Variants in RUBCNL observed in about 807,000 individuals in gnomAD.
The protein encoded by RUBCNL is protein associated with UVRAG as autophagy enhancer.
RUBCNL carries 62 observed loss-of-function variants against 69.5 expected under a neutral mutation model. That is an observed-to-expected ratio of 0.89 (90% CI 0.73 to 1.10). The LOEUF is 1.10. Among genes scored for constraint, RUBCNL ranks in the 50% least tolerant of loss-of-function variants. The pLI is 0.00. For missense variants in RUBCNL, 768 were observed against 798.1 expected (o/e 0.96, Z 0.45); for synonymous variants, 291 against 303.6 (o/e 0.96, Z 0.43).
chr13:46,360,823 A>AT (rs2138744315), intron 8 of RUBCNL, among the ~76,000 whole-genome samples: 1 of 152,364 alleles, frequency 6.6e-6, no homozygotes, highest in African/African-American at 2.4e-5. Context: ...CAGCCTGGGC[A>AT]TGACTCCTGC....
intron 2 of RUBCNL, among the ~76,000 whole-genome samples, chr13:46,375,654 G>A (rs1227294627): frequency 3.9e-5 from 6 of 152,154 alleles, no homozygotes; most frequent in African/African-American, 1.2e-4. Flanking sequence ...ACATGAAATT[G>A]TTCTCACCCA....
In RUBCNL at chr13:46,369,264, G is replaced by C. The variant is rs536308082; in HGVS notation, c.536-449C>G. Among the ~76,000 whole-genome samples the C allele has an allele frequency of 2.6e-5, 4 of 152,302 alleles. No homozygotes were observed. The South Asian group carries it at 8.3e-4, about 32-fold the overall frequency. On this transcript the variant is annotated intron_variant, in intron 3 of 14. Transcript: ENST00000429979. ...ATATCTCGCTCTGTCACCCAGGCTAGAGTGCAGCGGCGTGATCACACTTTA... is the reference window on the plus strand; with the variant it reads ...ATATCTCGCTCTGTCACCCAGGCTACAGTGCAGCGGCGTGATCACACTTTA...
chr13:46,377,753 C>T, intron 2 of RUBCNL, 137 bp downstream of exon 2: 1 of 522,790 alleles, frequency 1.9e-6, no homozygotes, highest in South Asian at 3.1e-5. Flanking sequence ...CAAAAATAAC[C>T]AGCAGGTGCT....
At position 46,352,936 on chromosome 13, in the gene RUBCNL, G is replaced by A. The variant is rs557064929; in HGVS notation, c.1331-2585C>T. On this transcript the variant is annotated intron_variant, in intron 10 of 14. Transcript: ENST00000429979. ...ACATTTACTATGTCATTCTGTGCTC[G>A]AAAGTCTGTGAGAGAGGGACAGTTA... Among the ~76,000 whole-genome samples, 6 of 152,360 alleles carry A rather than the reference G, an allele frequency of 3.9e-5. No homozygotes were observed. The East Asian group carries it at 7.7e-4, about 20-fold the overall frequency.
chr13:46,357,883 G>A lies in RUBCNL; in HGVS notation c.1266-1387C>T, dbSNP rs371531444. ...GACCTCAGGTGATCCCGCCCACCTC[G>A]GCCTCCCAAAGTGCTGAGATTACAG... On this transcript the variant is annotated intron_variant, in intron 9 of 14. Transcript: ENST00000429979. Among the ~76,000 whole-genome samples, 342 of 152,158 alleles carry A rather than the reference G, an allele frequency of 2.2e-3. 4 individuals are homozygous for A. The highest frequency in any genetic ancestry group is 0.012 in the South Asian group (56 of 4,814).
intron 12 of RUBCNL, among the ~76,000 whole-genome samples, chr13:46,347,950 G>A (rs1215989593): frequency 1.3e-5 from 2 of 151,864 alleles, no homozygotes; most frequent in Non-Finnish European, 2.9e-5. Context: ...CCGAGATCGC[G>A]CCACTGCACT....
At chr13:46,362,470 TAGGTTTCACACTGCCTC>T (rs1193081575) in intron 7 of RUBCNL, 51 bp downstream of exon 7, 3 of 992,134 alleles carry the variant, frequency 3.0e-6, no homozygotes, top group Non-Finnish European at 3.0e-6. Flanking sequence ...GTCAGAGGCC[TAGGTTTCACACTGCCTC>T]AGAGGTGACA....
intron 5 of RUBCNL, among the ~76,000 whole-genome samples, chr13:46,365,077 C>T (rs1220400506): frequency 1.3e-5 from 2 of 151,790 alleles, no homozygotes; most frequent in African/African-American, 2.4e-5. Flanking sequence ...CCGAGGCAAG[C>T]GGATCACCTG....
At chr13:46,344,363 T>C (rs1468421328) in intron 14 of RUBCNL, among the ~76,000 whole-genome samples, 1 of 152,210 alleles carries the variant, frequency 6.6e-6, no homozygotes, top group Non-Finnish European at 1.5e-5. Flanking sequence ...GAGGGCCATG[T>C]GGTCTCTACA....
At chr13:46,347,910 G>A (rs1224427533) in intron 12 of RUBCNL, among the ~76,000 whole-genome samples, 5 of 151,990 alleles carry the variant, frequency 3.3e-5, no homozygotes, top group Non-Finnish European at 5.9e-5. Flanking sequence ...GGAGACTGGC[G>A]TGAACCCGGG....
rs773818525 is a variant in RUBCNL, at chr13:46,363,231, G to T, written c.827-18C>A. 7.1e-7 allele frequency: 1 copy of T among 1,406,174 alleles called. No individual in the cohort carries two copies. Among genetic ancestry groups the T allele is most frequent in the Non-Finnish European group, 9.5e-7 (1 of 1,052,756 alleles). 87.1% of individuals were successfully genotyped at this position (1,406,174 alleles called of 1,614,324 possible). On this transcript the variant is annotated intron_variant, in intron 5 of 14. Transcript: ENST00000429979. ...AGCACAACCTAGACAAAGAAAGGAA[G>T]GAGGTTTTTACCAATAAGAAGAAAA...
chr13:46,359,914 T>A (rs774483744), intron 8 of RUBCNL, among the ~76,000 whole-genome samples: 1 of 152,186 alleles, frequency 6.6e-6, no homozygotes, highest in Non-Finnish European at 1.5e-5. Flanking sequence ...TGACCTGGAA[T>A]GCATTTATGA....
At chr13:46,378,550 C>T (rs1276305410) in intron 1 of RUBCNL, 2 of 152,414 alleles carry the variant, frequency 1.3e-5, no homozygotes, top group African/African-American at 4.8e-5. Flanking sequence ...AAACAAGAGA[C>T]TTCAGGACAC....
rs760534704 is a variant in RUBCNL at position 46,363,251 on chromosome 13, A to T, written c.827-38T>A. 8 of 1,206,260 alleles carry T rather than the reference A, an allele frequency of 6.6e-6. No individual in the cohort carries two copies. The African/African-American group carries it at 1.2e-4, about 19-fold the overall frequency. 74.7% of individuals were successfully genotyped at this position (1,206,260 alleles called of 1,614,324 possible). On this transcript the variant is annotated intron_variant, in intron 5 of 14. Coordinates refer to ENST00000429979, the MANE Select transcript of RUBCNL (RefSeq NM_025113.5). ...AGGAAGGAGGTTTTTACCAATAAGA[A>T]GAAAAAGAAAAACTGTACAACCTGC...
At chr13:46,374,742 A>T (rs967824370) in intron 2 of RUBCNL, among the ~76,000 whole-genome samples, 12 of 152,220 alleles carry the variant, frequency 7.9e-5, no homozygotes, top group African/African-American at 2.7e-4. Context: ...AAGGCCTGAC[A>T]TGATGCTGTC....
intron 14 of RUBCNL, among the ~76,000 whole-genome samples, chr13:46,343,714 G>A (rs914324714): frequency 6.6e-6 from 1 of 152,120 alleles, no homozygotes; most frequent in African/African-American, 2.4e-5. Flanking sequence ...GAGGCTCAGA[G>A]AGCCTGATGT....
At chr13:46,349,146 G>T in intron 12 of RUBCNL, 140 bp downstream of exon 12, 1 of 673,856 alleles carries the variant, frequency 1.5e-6, no homozygotes, top group Non-Finnish European at 2.6e-6. Flanking sequence ...TCAAAGAGAT[G>T]GCATGATTTC....
intron 2 of RUBCNL, 121 bp from the exon 3 acceptor site, chr13:46,372,718 A>G: frequency 1.3e-6 from 1 of 750,852 alleles, no homozygotes; most frequent in South Asian, 3.0e-5. Context: ...TATCCAACAT[A>G]GTAAAGCCCG....
Position 46,339,873 on chromosome 13 carries a change from A to AAAAAC in RUBCNL, c.*3507_*3511dup, listed in dbSNP as rs144130907. The stretch of plus-strand genomic sequence containing the variant: ...GACTCCATTTCAAAAAAACAAAAAC[A>AAAAAC]AAAACAAAACAAAACAAAAAAACCC... On this transcript the variant is annotated 3_prime_UTR_variant, in exon 15 of 15. Coordinates refer to ENST00000429979, the MANE Select transcript of RUBCNL (RefSeq NM_025113.5). Among the ~76,000 whole-genome samples the AAAAAC allele has an allele frequency of 1.1e-4, 16 of 152,034 alleles. No homozygotes were observed. The highest frequency in any genetic ancestry group is 5.2e-4 in the Admixed American group (8 of 15,262).
Sources: allele counts gnomAD v4.1 joint callset (sites outside exome capture counted in the v4.1 genomes callset), GRCh38; gene constraint gnomAD v4.1.1; transcripts MANE v1.5; gene names NCBI Gene and HGNC (gene_info 2026-07-23, HGNC 2026-07-21).